SLC26A8: variants seen among roughly 807,000 people sequenced by gnomAD.
SLC26A8 encodes testis anion transporter 1.
Under a neutral mutation model 105.0 loss-of-function variants are expected in SLC26A8, and 70 were observed. That is an observed-to-expected ratio of 0.67 (90% CI 0.55 to 0.81). The LOEUF is 0.81. Ranked by LOEUF, SLC26A8 falls within the 40% of genes least tolerant of loss-of-function variation. The pLI is 0.00. For missense variants in SLC26A8, 998 were observed against 1,181.8 expected (o/e 0.84, Z 2.28); for synonymous variants, 415 against 438.3 (o/e 0.95, Z 0.66).
At chr6:35,991,268 G>A (rs1272697935) in intron 7 of SLC26A8, among the ~76,000 whole-genome samples, 2 of 151,978 alleles carry the variant, frequency 1.3e-5, no homozygotes, top group African/African-American at 4.8e-5. Flanking sequence ...GCTCGCCATT[G>A]TGGCACACAC....
intron 2 of SLC26A8, among the ~76,000 whole-genome samples, chr6:36,014,461 C>A (rs933510225): frequency 2.0e-5 from 3 of 151,918 alleles, no homozygotes; most frequent in African/African-American, 7.3e-5. Context: ...AATGAAAGCA[C>A]AAGGGAGATT....
intron 11 of SLC26A8, among the ~76,000 whole-genome samples, chr6:35,967,395 C>T (rs1474826661): frequency 6.6e-6 from 1 of 152,164 alleles, no homozygotes; most frequent in Non-Finnish European, 1.5e-5. Flanking sequence ...AAATGGCTAA[C>T]AGGAACATGA....
At chr6:35,986,020 A>G (rs1296097583) in intron 7 of SLC26A8, among the ~76,000 whole-genome samples, 1 of 143,176 alleles carries the variant, frequency 7.0e-6, no homozygotes, top group Non-Finnish European at 1.5e-5. Flanking sequence ...CTTCACATAT[A>G]CATCTTTTTT....
intron 16 of SLC26A8, among the ~76,000 whole-genome samples, chr6:35,958,233 C>T (rs1258747159): frequency 6.6e-6 from 1 of 152,160 alleles, no homozygotes; most frequent in Non-Finnish European, 1.5e-5. Context: ...GGTGTGGTGG[C>T]TCACGCCTGT....
chr6:35,990,336 T>C (rs374606886), intron 7 of SLC26A8: 2 of 292,606 alleles, frequency 6.8e-6, no homozygotes, highest in Non-Finnish European at 1.3e-5. Flanking sequence ...TGGGTTCTTA[T>C]TGAACAAGAT....
At chr6:35,965,973 C>T (rs1466487540) in intron 11 of SLC26A8, among the ~76,000 whole-genome samples, 6 of 149,826 alleles carry the variant, frequency 4.0e-5, no homozygotes, top group African/African-American at 1.5e-4. Context: ...TGCACTCCAG[C>T]CTGGGCAATA....
intron 16 of SLC26A8, among the ~76,000 whole-genome samples, chr6:35,956,896 G>T (rs1309777845): frequency 2.0e-5 from 3 of 150,058 alleles, no homozygotes; most frequent in Non-Finnish European, 4.4e-5. Context: ...TCCAGCCTGG[G>T]CAATAAGAGC....
intron 3 of SLC26A8, among the ~76,000 whole-genome samples, chr6:36,010,889 C>T (rs189186807): frequency 5.3e-5 from 8 of 152,178 alleles, no homozygotes; most frequent in Non-Finnish European, 7.4e-5. Context: ...AAAAAAGCGC[C>T]AATTTTACTA....
chr6:35,978,774 A>G (rs1335544123), intron 8 of SLC26A8, among the ~76,000 whole-genome samples: 1 of 151,852 alleles, frequency 6.6e-6, no homozygotes, highest in Non-Finnish European at 1.5e-5. Flanking sequence ...TAGCACCTCA[A>G]AGAGCTAAAT....
intron 7 of SLC26A8, among the ~76,000 whole-genome samples, chr6:35,988,714 G>C (rs1302966169): frequency 6.6e-6 from 1 of 151,950 alleles, no homozygotes; most frequent in African/African-American, 2.4e-5. Flanking sequence ...ACTTACTAAT[G>C]ACACAGATTA....
chr6:35,956,401 T>C (rs1277805740), intron 16 of SLC26A8, among the ~76,000 whole-genome samples: 1 of 140,572 alleles, frequency 7.1e-6, no homozygotes, highest in African/African-American at 2.7e-5. Context: ...ACACTCCAGA[T>C]TGAGCAACAG....
intron 1 of SLC26A8, among the ~76,000 whole-genome samples, chr6:36,023,448 G>A (rs1327855000): frequency 6.6e-6 from 1 of 150,796 alleles, no homozygotes; most frequent in African/African-American, 2.4e-5. Context: ...TCAGGAGGGT[G>A]AGGCAGGAGA....
At chr6:36,017,833 A>T (rs898723786) in intron 2 of SLC26A8, among the ~76,000 whole-genome samples, 3 of 152,174 alleles carry the variant, frequency 2.0e-5, no homozygotes, top group Admixed American at 6.5e-5. Context: ...AAAAAGACAA[A>T]CAACCTAATT....
At chr6:35,984,322 T>C (rs1253155099) in intron 7 of SLC26A8, among the ~76,000 whole-genome samples, 1 of 49,342 alleles carries the variant, frequency 2.0e-5, no homozygotes. Flanking sequence ...TCTTCTTATT[T>C]TTTTTTTTTT....
intron 16 of SLC26A8, among the ~76,000 whole-genome samples, chr6:35,955,852 CT>C (rs1391248960): frequency 1.3e-5 from 2 of 152,168 alleles, no homozygotes; most frequent in African/African-American, 4.8e-5. Flanking sequence ...CCTACTAATA[CT>C]TTGTGTGAAG....
intron 19 of SLC26A8, among the ~76,000 whole-genome samples, chr6:35,945,951 C>T (rs1771642247): frequency 6.6e-6 from 1 of 152,174 alleles, no homozygotes; most frequent in Admixed American, 6.5e-5. Context: ...GCTTTTCCTC[C>T]TTCCTTCCTG....
intron 16 of SLC26A8, among the ~76,000 whole-genome samples, chr6:35,958,517 T>A (rs1239218893): frequency 6.6e-6 from 1 of 150,382 alleles, no homozygotes; most frequent in African/African-American, 2.5e-5. Flanking sequence ...AAGCCAGGTA[T>A]GGTGCTCACC....
At chr6:36,010,709 T>C (rs1761832856) in intron 3 of SLC26A8, among the ~76,000 whole-genome samples, 1 of 151,830 alleles carries the variant, frequency 6.6e-6, no homozygotes, top group African/African-American at 2.4e-5. Flanking sequence ...CAGCTAATTT[T>C]TGTATTTTTA....
intron 11 of SLC26A8, 63 bp from the exon 12 acceptor site, chr6:35,962,684 A>G: frequency 1.3e-6 from 2 of 1,509,172 alleles, no homozygotes; most frequent in Non-Finnish European, 1.8e-6. Context: ...ACAAATCCCC[A>G]CCAAGGAATC....
Sources: allele counts gnomAD v4.1 joint callset (sites outside exome capture counted in the v4.1 genomes callset), GRCh38; gene constraint gnomAD v4.1.1; transcripts MANE v1.5; gene names NCBI Gene and HGNC (gene_info 2026-07-23, HGNC 2026-07-21).